Variants in IL20RB observed in about 807,000 individuals in gnomAD.
IL20RB encodes interleukin-20 receptor subunit beta.
A neutral mutation model predicts 33.3 loss-of-function variants in IL20RB; 21 were observed. The ratio of observed to expected loss-of-function variants is 0.63; its 90% CI spans 0.45 to 0.91. IL20RB has a LOEUF of 0.91. Ranked by LOEUF, IL20RB falls within the 40% of genes least tolerant of loss-of-function variation. The probability of loss-of-function intolerance (pLI) is 0.00; values close to 1 mark genes in which losing one functional copy is unlikely to be tolerated. For synonymous variants in IL20RB, 147 were observed against 146.8 expected (o/e 1.00, Z -0.01); for missense variants, 345 against 384.8 (o/e 0.90, Z 0.86).
At chr3:136,966,125 A>G (rs1175857004) in intron 1 of IL20RB, among the ~76,000 whole-genome samples, 2 of 141,012 alleles carry the variant, frequency 1.4e-5, no homozygotes, top group Non-Finnish European at 3.0e-5. Context: ...TTTTTGCATC[A>G]ATGTTCATCA....
At chr3:137,005,363 G>C (rs1942330093) in intron 6 of IL20RB, among the ~76,000 whole-genome samples, 1 of 152,136 alleles carries the variant, frequency 6.6e-6, no homozygotes, top group Admixed American at 6.5e-5. Flanking sequence ...TTGACAGTAG[G>C]CTGTTAAAGT....
At chr3:137,006,030 G>A (rs1011695656) in intron 6 of IL20RB, among the ~76,000 whole-genome samples, 2 of 152,172 alleles carry the variant, frequency 1.3e-5, no homozygotes, top group Non-Finnish European at 2.9e-5. Context: ...ATGAAGCTTA[G>A]TTTGGCTGGA....
chr3:136,995,299 A>G, intron 5 of IL20RB, 115 bp from the exon 6 acceptor site: 1 of 1,201,214 alleles, frequency 8.3e-7, no homozygotes, highest in African/African-American at 1.5e-5. Context: ...GGATTCTGTT[A>G]TCTGCCGTCT....
At chr3:136,974,882 T>G (rs1481693150) in intron 1 of IL20RB, among the ~76,000 whole-genome samples, 1 of 152,238 alleles carries the variant, frequency 6.6e-6, no homozygotes, top group African/African-American at 2.4e-5. Context: ...TCCTGCTCGA[T>G]CTAGTCTATT....
intron 6 of IL20RB, among the ~76,000 whole-genome samples, chr3:136,996,968 T>A (rs958157569): frequency 6.6e-6 from 1 of 152,188 alleles, no homozygotes; most frequent in Admixed American, 6.6e-5. Flanking sequence ...TTTATATATA[T>A]CAATTAGGTC....
intron 3 of IL20RB, among the ~76,000 whole-genome samples, chr3:136,984,782 A>G (rs1019744572): frequency 6.6e-6 from 1 of 151,960 alleles, no homozygotes; most frequent in African/African-American, 2.4e-5. Context: ...GAATGGAATG[A>G]CTTCATGGAA....
intron 1 of IL20RB, among the ~76,000 whole-genome samples, chr3:136,978,154 T>TG (rs1360505551): frequency 6.6e-6 from 1 of 151,622 alleles, no homozygotes; most frequent in African/African-American, 2.4e-5. Context: ...AGAGAGTTTT[T>TG]GGTTCTGTCT....
intron 3 of IL20RB, among the ~76,000 whole-genome samples, chr3:136,987,754 G>A (rs182077463): frequency 4.3e-4 from 65 of 152,330 alleles, no homozygotes; most frequent in African/African-American, 1.5e-3. Flanking sequence ...GCTAAGGCCC[G>A]GTGAGAAATC....
chr3:136,980,232 T>A, intron 1 of IL20RB: 1 of 539,176 alleles, frequency 1.9e-6, no homozygotes, highest in Non-Finnish European at 3.3e-6. Context: ...TACCCAAAAT[T>A]TAGTGTTAAC....
At chr3:137,003,313 A>G (rs1577033951) in intron 6 of IL20RB, among the ~76,000 whole-genome samples, 1 of 152,184 alleles carries the variant, frequency 6.6e-6, no homozygotes, top group African/African-American at 2.4e-5. Context: ...GAAGAAAGTT[A>G]TTGGTAGCTT....
intron 6 of IL20RB, among the ~76,000 whole-genome samples, chr3:137,008,314 T>C (rs1474301547): frequency 6.6e-6 from 1 of 152,088 alleles, no homozygotes; most frequent in African/African-American, 2.4e-5. Flanking sequence ...TGCAGTGCAA[T>C]GAATGTAACT....
rs1018786410 is a variant in IL20RB, at chr3:137,010,879, G to C, written c.*656G>C. On this transcript the variant is annotated 3_prime_UTR_variant, in exon 7 of 7. Coordinates refer to ENST00000329582, the MANE Select transcript of IL20RB (RefSeq NM_144717.4). ...GTCACAGCCACACTGAAAATGGGAT[G>C]TGCATGAACACGGAGGATCCATGAA... is the stretch of plus-strand genomic sequence containing the variant. 3 of 152,298 alleles carry C rather than the reference G, an allele frequency of 2.0e-5. No homozygotes were observed. Among genetic ancestry groups the C allele is most frequent in the African/African-American group, 7.2e-5 (3 of 41,464 alleles). The allele number at this position is 152,298 out of a possible 1,614,324, so 9.4% of individuals were successfully genotyped here.
intron 1 of IL20RB, chr3:136,959,605 C>T (rs181257825): frequency 3.9e-5 from 6 of 152,214 alleles, no homozygotes; most frequent in South Asian, 2.1e-4. Flanking sequence ...CAGCATTTTT[C>T]GACTTGACAT....
At chr3:136,960,138 CTTTTTTTTTTTTTTTT>C (rs10540948) in intron 1 of IL20RB, among the ~76,000 whole-genome samples, 3 of 36,196 alleles carry the variant, frequency 8.3e-5, no homozygotes, top group Admixed American at 1.0e-3. Flanking sequence ...AGAGTTGTGG[CTTTTTTTTTTTTTTTT>C]TTTTTTTTTT....
At chr3:136,990,212 C>G (rs1942003732) in intron 4 of IL20RB, among the ~76,000 whole-genome samples, 1 of 151,982 alleles carries the variant, frequency 6.6e-6, no homozygotes, top group African/African-American at 2.4e-5. Flanking sequence ...AGGGGACACT[C>G]AGACCTGTGG....
chr3:136,981,908 G>T (rs1050010983), intron 2 of IL20RB, among the ~76,000 whole-genome samples: 5 of 152,194 alleles, frequency 3.3e-5, no homozygotes, highest in Non-Finnish European at 7.3e-5. Flanking sequence ...TTAGGGTGAT[G>T]ACCCTGGAGA....
chr3:136,992,830 G>A (rs1488159527), intron 5 of IL20RB, among the ~76,000 whole-genome samples: 1 of 152,126 alleles, frequency 6.6e-6, no homozygotes, highest in Non-Finnish European at 1.5e-5. Context: ...GGCCTCCAAA[G>A]AGCTGAGATT....
At chr3:136,987,241 C>T (rs1447202418) in intron 3 of IL20RB, among the ~76,000 whole-genome samples, 1 of 152,108 alleles carries the variant, frequency 6.6e-6, no homozygotes, top group Middle Eastern at 3.2e-3. Context: ...CTGATTCGTG[C>T]GTTTACAATC....
intron 1 of IL20RB, among the ~76,000 whole-genome samples, chr3:136,963,798 G>T (rs1297321229): frequency 2.0e-5 from 2 of 100,958 alleles, no homozygotes; most frequent in African/African-American, 3.9e-5. Flanking sequence ...ACCCACTAAC[G>T]TGTCATCTAG....
Sources: gnomAD v4.1 joint callset for allele counts (sites outside exome capture counted in the v4.1 genomes callset) on GRCh38, gnomAD v4.1.1 for gene constraint, MANE v1.5 for transcripts, NCBI Gene and HGNC (gene_info 2026-07-23, HGNC 2026-07-21) for gene names.